The following ZFHX4 variants were observed in gnomAD, a reference collection of about 807,000 sequenced individuals.
ZFHX4 encodes zinc finger homeobox protein 4.
Under a neutral mutation model 267.6 loss-of-function variants are expected in ZFHX4, and 56 were observed. The observed-to-expected ratio is 0.21, with a 90% confidence interval of 0.17 to 0.26. The LOEUF is 0.26. Among genes scored for constraint, ZFHX4 ranks in the 10% least tolerant of loss-of-function variants. The pLI is 1.00. For missense variants in ZFHX4, 4,332 were observed against 4,420.0 expected (o/e 0.98, Z 0.56); for synonymous variants, 1,778 against 1,665.6 (o/e 1.07, Z -1.64).
At chr8:76,744,962 A>G (rs1031787795) in intron 3 of ZFHX4, among the ~76,000 whole-genome samples, 52 of 151,966 alleles carry the variant, frequency 3.4e-4, no homozygotes, top group Admixed American at 2.5e-3. Context: ...TGAAAAAAGT[A>G]CTCTTCTTGT....
intron 6 of ZFHX4, among the ~76,000 whole-genome samples, chr8:76,844,808 T>C (rs1158376427): frequency 6.6e-6 from 1 of 152,156 alleles, no homozygotes; most frequent in Admixed American, 6.6e-5. Context: ...TATTTATCTT[T>C]AAAACCTTCT....
chr8:76,733,827 C>T (rs1482807392), intron 3 of ZFHX4, among the ~76,000 whole-genome samples: 1 of 152,052 alleles, frequency 6.6e-6, no homozygotes, highest in Non-Finnish European at 1.5e-5. Flanking sequence ...GACTGATTTT[C>T]CATTTTTAAT....
rs745459061 is a variant in ZFHX4 at position 76,704,744 on chromosome 8, G to A, written c.656G>A (p.Gly219Glu). Residue 219 changes from glycine (G) to glutamate (E), a missense_variant, in exon 2 of 11, where the codon GGA becomes GAA. This residue lies in a region of ZFHX4 where 1,195 missense variants were observed against 1,173.6 expected (regional missense o/e 1.02). Transcript: ENST00000651372. ...QAFPNTSALAGVGPVLHSFRV... is the reference protein window; with the variant it reads ...QAFPNTSALAEVGPVLHSFRV... ...TTCCCAAATACCTCAGCATTAGCAG[G>A]AGTTGGTCCTGTGTTGCACAGTTTC... 6.2e-7 allele frequency: 1 copy of A among 1,613,996 alleles called. No homozygotes were observed. The highest frequency in any genetic ancestry group is 8.5e-7 in the Non-Finnish European group (1 of 1,179,904).
At chr8:76,742,244 T>G (rs1809337231) in intron 3 of ZFHX4, among the ~76,000 whole-genome samples, 1 of 152,198 alleles carries the variant, frequency 6.6e-6, no homozygotes, top group Non-Finnish European at 1.5e-5. Flanking sequence ...CCCTTAGAAT[T>G]ATGCTTTGAC....
chr8:76,761,257 T>C (rs1809905228), intron 3 of ZFHX4, among the ~76,000 whole-genome samples: 1 of 152,252 alleles, frequency 6.6e-6, no homozygotes, highest in South Asian at 2.1e-4. Flanking sequence ...ATGCTGTTTT[T>C]GTTTGGTAGT....
chr8:76,844,754 A>T (rs1191918861), intron 6 of ZFHX4, among the ~76,000 whole-genome samples: 1 of 152,112 alleles, frequency 6.6e-6, no homozygotes, highest in Non-Finnish European at 1.5e-5. Flanking sequence ...ATAAAAAATA[A>T]GCTCTAGGCA....
intron 3 of ZFHX4, among the ~76,000 whole-genome samples, chr8:76,739,553 A>G (rs1320598617): frequency 6.6e-6 from 1 of 152,134 alleles, no homozygotes; most frequent in Non-Finnish European, 1.5e-5. Flanking sequence ...AATTCTTTCC[A>G]TTAGAGTGAT....
intron 4 of ZFHX4, among the ~76,000 whole-genome samples, chr8:76,830,975 A>G (rs1811918703): frequency 6.6e-6 from 1 of 152,184 alleles, no homozygotes; most frequent in Non-Finnish European, 1.5e-5. Context: ...TGAAAATTTG[A>G]CAGACTTTTA....
At chr8:76,777,729 A>G (rs773057799) in intron 3 of ZFHX4, among the ~76,000 whole-genome samples, 3 of 152,132 alleles carry the variant, frequency 2.0e-5, no homozygotes, top group African/African-American at 4.8e-5. Context: ...ACCAAATGCC[A>G]TGCAATTTGT....
At chr8:76,841,691 A>G (rs769438562) in intron 5 of ZFHX4, among the ~76,000 whole-genome samples, 5 of 152,082 alleles carry the variant, frequency 3.3e-5, no homozygotes, top group Non-Finnish European at 7.4e-5. Context: ...TTCTTATCCT[A>G]ATTTATGTAA....
intron 3 of ZFHX4, among the ~76,000 whole-genome samples, chr8:76,770,087 A>T (rs1761235835): frequency 6.6e-6 from 1 of 152,136 alleles, no homozygotes; most frequent in African/African-American, 2.4e-5. Context: ...AGCTTTTTGT[A>T]ACTCTTTTCA....
Position 76,855,701 on chromosome 8 carries a change from C to G in ZFHX4, c.8780C>G (p.Pro2927Arg). 6.2e-7 allele frequency: 1 copy of G among 1,613,834 alleles called. No homozygotes were observed. The highest frequency in any genetic ancestry group is 8.5e-7 in the Non-Finnish European group (1 of 1,179,854). Residue 2927 changes from proline to arginine, a missense_variant, in exon 10 of 11, where the codon CCG becomes CGG. By Grantham distance (103) the Pro-to-Arg change is moderately radical (BLOSUM62 -2). Around this residue, in one of 7 missense-constraint regions of ZFHX4, gnomAD observed 1,648 missense variants for 1,625.0 expected, o/e 1.01. Coordinates refer to ENST00000651372, the MANE Select transcript of ZFHX4 (RefSeq NM_024721.5). Reference sequence around the variant, plus strand: ...TTTAAATCCAAAAGTAATGATCGGCCGGGTCACAAGCGTTTTCGAACGCAA... The same window carrying G: ...TTTAAATCCAAAAGTAATGATCGGCGGGGTCACAAGCGTTTTCGAACGCAA... ...NPFKSKSNDR[P>R]GHKRFRTQMS... is the part of the protein sequence containing the mutation.
chr8:76,704,805 C>A lies in ZFHX4; in HGVS notation c.717C>A (p.Asp239Glu), dbSNP rs1367663981. Residue 239 changes from aspartate to glutamate, a missense_variant, in exon 2 of 11, where the codon GAC becomes GAA. Around this residue, in one of 7 missense-constraint regions of ZFHX4, gnomAD observed 1,195 missense variants for 1,173.6 expected, o/e 1.02. Coordinates refer to ENST00000651372, the MANE Select transcript of ZFHX4 (RefSeq NM_024721.5). ...ATCTCCGACACAAGAGAGAGAAAGA[C>A]TATCTAACCAGTGATGGCTCAGCCA... ...VYDLRHKREK[D>E]YLTSDGSAKN... The A allele has an allele frequency of 1.2e-6, 2 of 1,614,038 alleles. No individual in the cohort carries two copies. Among genetic ancestry groups the A allele is most frequent in the Non-Finnish European group, 1.7e-6 (2 of 1,179,994 alleles).
chr8:76,726,362 T>C (rs1445963166), intron 3 of ZFHX4, among the ~76,000 whole-genome samples: 1 of 152,206 alleles, frequency 6.6e-6, no homozygotes, highest in African/African-American at 2.4e-5. Flanking sequence ...CTACATTTTT[T>C]ATTGGAAATA....
chr8:76,777,280 G>C (rs1333361648), intron 3 of ZFHX4, among the ~76,000 whole-genome samples: 2 of 152,062 alleles, frequency 1.3e-5, no homozygotes, highest in Non-Finnish European at 2.9e-5. Context: ...AGTTGTAAAA[G>C]TTTTTCCATT....
chr8:76,835,108 A>G (rs1365341838), intron 5 of ZFHX4, among the ~76,000 whole-genome samples: 4 of 149,996 alleles, frequency 2.7e-5, no homozygotes, highest in African/African-American at 9.8e-5. Flanking sequence ...TATTTTTCAC[A>G]AGTCAAAGAG....
At position 76,704,591 on chromosome 8, in the gene ZFHX4, ACTCCCT is replaced by A; in HGVS notation, c.504_509del (p.Asp168_Leu170delinsGlu). ...CTCTTTTCTACAGCGATGTTCCTGGACTCCCTGGCATCTGCTGGAGAGAAGAGTGAT... is the reference window on the plus strand; with the variant it reads ...CTCTTTTCTACAGCGATGTTCCTGGAGGCATCTGCTGGAGAGAAGAGTGAT... On this transcript the variant is annotated inframe_deletion, in exon 2 of 11. Coordinates refer to ENST00000651372, the MANE Select transcript of ZFHX4 (RefSeq NM_024721.5). 6.2e-7 allele frequency: 1 copy of A among 1,613,746 alleles called. No individual in the cohort carries two copies. Among genetic ancestry groups the A allele is most frequent in the Non-Finnish European group, 8.5e-7 (1 of 1,179,856 alleles).
intron 3 of ZFHX4, among the ~76,000 whole-genome samples, chr8:76,768,255 A>G (rs1461513285): frequency 6.6e-6 from 1 of 152,184 alleles, no homozygotes; most frequent in African/African-American, 2.4e-5. Context: ...TGAGATTTTA[A>G]ATAACCTGTA....
chr8:76,776,058 A>G (rs2131765352), intron 3 of ZFHX4, among the ~76,000 whole-genome samples: 1 of 152,068 alleles, frequency 6.6e-6, no homozygotes, highest in African/African-American at 2.4e-5. Flanking sequence ...ATGTGTTGTT[A>G]AATAGCCCTT....
Sources: gnomAD v4.1 joint callset for allele counts (sites outside exome capture counted in the v4.1 genomes callset) on GRCh38, gnomAD v4.1.1 for gene constraint, gnomAD v4.1.1 regional missense constraint, MANE v1.5 for transcripts, NCBI Gene and HGNC (gene_info 2026-07-23, HGNC 2026-07-21) for gene names.